PDE10A: variants seen among roughly 807,000 people sequenced by gnomAD.
PDE10A encodes cAMP and cAMP-inhibited cGMP 3',5'-cyclic phosphodiesterase 10A.
In PDE10A, 39 loss-of-function variants were observed where a neutral mutation model predicts 97.7. That is an observed-to-expected ratio of 0.40 (90% confidence interval 0.31 to 0.52). PDE10A has a LOEUF of 0.52. PDE10A is among the 20% of genes least tolerant of loss of function. The pLI, the probability that PDE10A is intolerant of heterozygous loss-of-function variation, is 0.56. For missense variants in PDE10A, 731 were observed against 1,047.8 expected, an observed-to-expected ratio of 0.70 and a Z score of 4.17; for synonymous variants, 371 against 376.8, an observed-to-expected ratio of 0.98 and a Z score of 0.18.
At chr6:165,908,763 A>C (rs879628078) in intron 1 of PDE10A, 2 of 152,194 alleles carry the variant, frequency 1.3e-5, no homozygotes, top group Non-Finnish European at 2.9e-5. Context: ...CTGAGTAGTA[A>C]ATCTCCAGGG....
chr6:165,453,600 G>C (rs918434918), intron 3 of PDE10A, among the ~76,000 whole-genome samples: 1 of 152,218 alleles, frequency 6.6e-6, no homozygotes, highest in Non-Finnish European at 1.5e-5. Flanking sequence ...CCCAGCCACG[G>C]TTCAAGTGAG....
intron 1 of PDE10A, among the ~76,000 whole-genome samples, chr6:165,882,245 A>C (rs1781502125): frequency 6.6e-6 from 1 of 152,204 alleles, no homozygotes; most frequent in African/African-American, 2.4e-5. Flanking sequence ...GTTTTATTAG[A>C]ATTACTTGTT....
At chr6:165,618,474 A>G (rs930410045) in intron 1 of PDE10A, among the ~76,000 whole-genome samples, 3 of 152,166 alleles carry the variant, frequency 2.0e-5, no homozygotes, top group African/African-American at 7.2e-5. Context: ...CCTCTTCTCC[A>G]GGCTGCAGTT....
chr6:165,487,522 G>T (rs371979154), intron 2 of PDE10A, among the ~76,000 whole-genome samples: 2 of 151,908 alleles, frequency 1.3e-5, no homozygotes, highest in Non-Finnish European at 2.9e-5. Context: ...CCACTCCTCC[G>T]ACCAGTCTGT....
At chr6:165,389,117 C>T (rs368531448) in intron 16 of PDE10A, among the ~76,000 whole-genome samples, 11 of 152,058 alleles carry the variant, frequency 7.2e-5, no homozygotes, top group African/African-American at 2.7e-4. Flanking sequence ...CGAGTGTGCC[C>T]TGAGACTCGG....
chr6:165,636,601 T>C (rs1438262736), intron 1 of PDE10A, among the ~76,000 whole-genome samples: 3 of 152,202 alleles, frequency 2.0e-5, no homozygotes, highest in African/African-American at 7.2e-5. Context: ...GAACAGCTGC[T>C]GTCTGTTCCC....
intron 1 of PDE10A, among the ~76,000 whole-genome samples, chr6:165,982,388 T>C (rs1785046859): frequency 6.6e-6 from 1 of 152,224 alleles, no homozygotes; most frequent in Non-Finnish European, 1.5e-5. Context: ...ATTAATTTAA[T>C]GTAATAATAT....
chr6:165,865,573 CA>C (rs565622096), intron 1 of PDE10A, among the ~76,000 whole-genome samples: 205 of 152,064 alleles, frequency 1.3e-3, no homozygotes, highest in Non-Finnish European at 2.3e-3. Context: ...AGAAATTCAA[CA>C]AAGAGATAGA....
At chr6:165,977,293 T>A (rs1261239062) in intron 1 of PDE10A, among the ~76,000 whole-genome samples, 1 of 152,176 alleles carries the variant, frequency 6.6e-6, no homozygotes, top group East Asian at 1.9e-4. Flanking sequence ...CTTACGGACT[T>A]TCCTAGGCAG....
Position 165,433,104 on chromosome 6 carries a change from C to G in PDE10A, c.1361G>C (p.Gly454Ala). 1 of 1,610,120 alleles carries G rather than the reference C, an allele frequency of 6.2e-7. No individual in the cohort carries two copies. The highest frequency in any genetic ancestry group is 8.5e-7 in the Non-Finnish European group (1 of 1,178,528). ...LGDERFPRGT[G>A]LESGTRIQSV... ...CTGGATACGAGTCCCTGATTCCAGTCCAGTACCTCTTGGAAATCGTTCATC... is the reference window on the plus strand; with the variant it reads ...CTGGATACGAGTCCCTGATTCCAGTGCAGTACCTCTTGGAAATCGTTCATC... The change falls in exon 7 of 22, where the codon GGA (glycine) becomes GCA (alanine). Residue 454 changes from glycine (G) to alanine (A), a missense_variant. Transcript: ENST00000539869.
chr6:165,775,292 G>C (rs936237173), intron 1 of PDE10A: 25 of 152,184 alleles, frequency 1.6e-4, no homozygotes, highest in African/African-American at 5.1e-4. Flanking sequence ...TTGTGGAGCA[G>C]ATGCCAGGTA....
intron 1 of PDE10A, among the ~76,000 whole-genome samples, chr6:165,592,493 C>T (rs1488308487): frequency 2.6e-5 from 4 of 152,120 alleles, no homozygotes; most frequent in Non-Finnish European, 5.9e-5. Context: ...GCAAAAGAAA[C>T]TATCATCGGA....
chr6:165,762,223 C>T (rs564144412), intron 1 of PDE10A, among the ~76,000 whole-genome samples: 1 of 152,280 alleles, frequency 6.6e-6, no homozygotes, highest in Admixed American at 6.5e-5. Flanking sequence ...GCATTTCTTC[C>T]CTGCTGTGTA....
chr6:165,784,222 CAAA>C (rs796915265), intron 1 of PDE10A, among the ~76,000 whole-genome samples: 2 of 116,652 alleles, frequency 1.7e-5, no homozygotes, highest in Admixed American at 8.7e-5. Flanking sequence ...GACTCCATCT[CAAA>C]AAAAAAAAAA....
At chr6:165,698,874 A>G (rs1791503400) in intron 1 of PDE10A, among the ~76,000 whole-genome samples, 1 of 152,156 alleles carries the variant, frequency 6.6e-6, no homozygotes, top group South Asian at 2.1e-4. Flanking sequence ...ACAAAAACAA[A>G]TAAATAAATA....
At chr6:165,451,493 C>G (rs1027210920) in intron 3 of PDE10A, among the ~76,000 whole-genome samples, 2 of 152,178 alleles carry the variant, frequency 1.3e-5, no homozygotes, top group Non-Finnish European at 2.9e-5. Context: ...ACGCCTCGCA[C>G]AGTAACACAC....
chr6:165,812,341 C>T (rs934116383), intron 1 of PDE10A, among the ~76,000 whole-genome samples: 3 of 152,148 alleles, frequency 2.0e-5, no homozygotes, highest in Admixed American at 2.0e-4. Context: ...TTTCTAATCT[C>T]CAGTTTCAGT....
At chr6:165,556,017 C>G (rs11965579) in intron 1 of PDE10A, among the ~76,000 whole-genome samples, 15,008 of 151,786 alleles carry the variant, frequency 0.099, 1,421 homozygotes, top group East Asian at 0.33. Flanking sequence ...GCATAGCCTA[C>G]AAATACCGAA....
Position 165,661,607 on chromosome 6 carries a change from A to G in PDE10A, c.865+340T>C. 3.5e-6 allele frequency: 1 copy of G among 287,736 alleles called. No individual in the cohort carries two copies. Among genetic ancestry groups the G allele is most frequent in the Non-Finnish European group, 6.4e-6 (1 of 156,106 alleles). The allele number at this position is 287,736 out of a possible 1,614,324, so 17.8% of individuals were successfully genotyped here. A position where few individuals can be genotyped will look rare whatever the true frequency, so the allele number is the denominator to read the frequency against. On this transcript the variant is annotated intron_variant, in intron 1 of 21. Transcript: ENST00000539869. The surrounding 1 kb of genome is among the most constrained non-coding windows in gnomAD (Gnocchi z 4.8). ...AGTGGTCACAAAGTTGAGTATAAATACGCGCCGGACAAGTGTGGCCAGAAA... is the reference window on the plus strand; with the variant it reads ...AGTGGTCACAAAGTTGAGTATAAATGCGCGCCGGACAAGTGTGGCCAGAAA...
Sources: allele counts gnomAD v4.1 joint callset (sites outside exome capture counted in the v4.1 genomes callset), GRCh38; gene constraint gnomAD v4.1.1; non-coding constraint Gnocchi (gnomAD v3.1); transcripts MANE v1.5; gene names NCBI Gene and HGNC (gene_info 2026-07-23, HGNC 2026-07-21).